Variants in STARD9 observed in about 807,000 individuals in gnomAD.
STARD9 encodes StAR related lipid transfer domain containing 9.
A neutral mutation model predicts 399.8 loss-of-function variants in STARD9; 346 were observed. The observed-to-expected ratio is 0.87, with a 90% CI of 0.79 to 0.95. The LOEUF (loss-of-function observed/expected upper bound fraction) is 0.95. Ranked by LOEUF, STARD9 falls within the 40% of genes least tolerant of loss-of-function variation. The pLI, the probability that STARD9 is intolerant of heterozygous loss-of-function variation, is 0.00. For missense variants in STARD9, 5,832 were observed against 5,667.5 expected (o/e 1.03, Z -0.93); for synonymous variants, 2,203 against 2,143.5 (o/e 1.03, Z -0.77).
chr15:42,663,863 A>G lies in STARD9; in HGVS notation c.1122A>G (p.Thr374=). 6.5e-7 allele frequency: 1 copy of G among 1,537,202 alleles called. No homozygotes were observed. The highest frequency in any genetic ancestry group is 1.2e-5 in the South Asian group (1 of 84,062). ...AHTSYSETMS[T]LRYASSAKNI... The stretch of plus-strand genomic sequence containing the variant: ...CTAGCTACAGTGAGACCATGAGCAC[A>G]CTGAGATATGCATCCAGTGCCAAAA... Residue 374 remains threonine, a synonymous_variant, in exon 13 of 33, where the codon ACA becomes ACG. Transcript: ENST00000290607.
intron 3 of STARD9, among the ~76,000 whole-genome samples, chr15:42,589,100 C>G (rs1410795036): frequency 6.6e-6 from 1 of 151,974 alleles, no homozygotes; most frequent in African/African-American, 2.4e-5. Flanking sequence ...CAGGTGTGAG[C>G]CACCACATCC....
chr15:42,717,680 G>A, intron 28 of STARD9, 51 bp from the exon 29 acceptor site: 4 of 1,486,152 alleles, frequency 2.7e-6, no homozygotes, highest in East Asian at 2.5e-5. Flanking sequence ...TAACCCAGGG[G>A]CTTAGTTTTT....
chr15:42,693,901 A>C lies in STARD9; in HGVS notation c.12323A>C (p.Gln4108Pro), dbSNP rs2060777455. The part of the protein sequence containing the change: ...GLRGSALGLP[Q>P]ACQPEELLCF... ...CGAGGTTCTGCCTTGGGCCTCCCTC[A>C]GGCCTGCCAACCTGAGGAGTTACTG... is the stretch of plus-strand genomic sequence containing the variant. The change falls in exon 23 of 33, where the codon CAG (glutamine) becomes CCG (proline). Residue 4108 changes from glutamine to proline, a missense_variant. This residue lies in a region of STARD9 where 5,828 missense variants were observed against 5,651.1 expected (regional missense o/e 1.03). Transcript: ENST00000290607. 2.0e-6 allele frequency: 3 copies of C among 1,524,398 alleles called. No individual in the cohort carries two copies. Among genetic ancestry groups the C allele is most frequent in the Non-Finnish European group, 2.6e-6 (3 of 1,139,494 alleles). 94.4% of individuals were successfully genotyped at this position (1,524,398 alleles called of 1,614,324 possible).
At chr15:42,602,445 T>C (rs2058647624) in intron 3 of STARD9, among the ~76,000 whole-genome samples, 1 of 152,086 alleles carries the variant, frequency 6.6e-6, no homozygotes, top group African/African-American at 2.4e-5. Flanking sequence ...AAAGAAAGAA[T>C]GAAACGAGAG....
chr15:42,691,722 A>G lies in STARD9; in HGVS notation c.10144A>G (p.Ser3382Gly). The G allele has an allele frequency of 2.0e-6, 3 of 1,537,284 alleles. No individual in the cohort carries two copies. Among genetic ancestry groups the G allele is most frequent in the Non-Finnish European group, 2.6e-6 (3 of 1,146,916 alleles). The part of the protein sequence containing the change: ...VARTSLQAED[S>G]NQKASSRLDD... ...AAGAACATCTCTGCAGGCTGAGGACAGCAATCAGAAAGCCTCATCTCGCTT... is the reference window on the plus strand; with the variant it reads ...AAGAACATCTCTGCAGGCTGAGGACGGCAATCAGAAAGCCTCATCTCGCTT... Residue 3382 changes from serine to glycine, a missense_variant, in exon 23 of 33, where the codon AGC becomes GGC. By Grantham distance (56) the Ser-to-Gly change is moderately conservative. This residue lies in a region of STARD9 where 5,828 missense variants were observed against 5,651.1 expected (regional missense o/e 1.03). Coordinates refer to ENST00000290607, the MANE Select transcript of STARD9 (RefSeq NM_020759.3).
intron 3 of STARD9, among the ~76,000 whole-genome samples, chr15:42,627,303 G>GA (rs968788049): frequency 1.1e-4 from 16 of 151,350 alleles, no homozygotes; most frequent in Non-Finnish European, 1.8e-4. Flanking sequence ...TTCAGAAAAA[G>GA]AAAAAAAATT....
chr15:42,702,662 G>C (rs953638485), intron 26 of STARD9, among the ~76,000 whole-genome samples: 2 of 152,242 alleles, frequency 1.3e-5, no homozygotes, highest in South Asian at 4.1e-4. Flanking sequence ...TTACACATTA[G>C]CATCCTTTTC....
At chr15:42,665,114 GGAC>G in intron 13 of STARD9, 136 bp from the exon 14 acceptor site, 2 of 650,732 alleles carry the variant, frequency 3.1e-6, no homozygotes, top group Non-Finnish European at 5.3e-6. Context: ...GCGGGTCCTG[GGAC>G]CACAACTTGA....
intron 3 of STARD9, among the ~76,000 whole-genome samples, chr15:42,598,337 A>G (rs1007350916): frequency 1.3e-5 from 2 of 151,548 alleles, no homozygotes; most frequent in African/African-American, 4.9e-5. Context: ...GGCCCAGCCT[A>G]TATTTTTAAT....
At chr15:42,601,001 A>C (rs770829432) in intron 3 of STARD9, among the ~76,000 whole-genome samples, 2 of 152,010 alleles carry the variant, frequency 1.3e-5, no homozygotes. Flanking sequence ...TTTACTAGGC[A>C]GAGAGCCCTG....
intron 3 of STARD9, among the ~76,000 whole-genome samples, chr15:42,586,191 T>C (rs993525656): frequency 6.6e-6 from 1 of 152,234 alleles, no homozygotes; most frequent in African/African-American, 2.4e-5. Context: ...TGAACAGCCA[T>C]GTGCACAAGG....
chr15:42,632,243 C>G (rs2141904221), intron 3 of STARD9, among the ~76,000 whole-genome samples: 1 of 152,214 alleles, frequency 6.6e-6, no homozygotes, highest in Admixed American at 6.5e-5. Flanking sequence ...TTTTCTGATA[C>G]ACATGTAGCT....
At chr15:42,710,892 T>G (rs932678976) in intron 26 of STARD9, among the ~76,000 whole-genome samples, 11 of 125,480 alleles carry the variant, frequency 8.8e-5, no homozygotes, top group African/African-American at 1.6e-4. Context: ...ACTTGTGCGC[T>G]CTCTCTCTCT....
At chr15:42,577,343 T>C (rs939140502) in intron 1 of STARD9, among the ~76,000 whole-genome samples, 5 of 152,032 alleles carry the variant, frequency 3.3e-5, no homozygotes, top group East Asian at 1.9e-4. Flanking sequence ...TTAGTAGAGA[T>C]GGGGTTTCAC....
At chr15:42,709,142 T>C (rs941065929) in intron 26 of STARD9, among the ~76,000 whole-genome samples, 3 of 152,154 alleles carry the variant, frequency 2.0e-5, no homozygotes, top group Non-Finnish European at 4.4e-5. Context: ...ACGCCTGTAA[T>C]CCCAGTGCTT....
At chr15:42,661,831 A>G (rs1233774684) in intron 10 of STARD9, among the ~76,000 whole-genome samples, 2 of 152,136 alleles carry the variant, frequency 1.3e-5, no homozygotes, top group Non-Finnish European at 2.9e-5. Flanking sequence ...GTGGGAGTGC[A>G]AGCATCAGGA....
At chr15:42,718,996 A>C in intron 32 of STARD9, 86 bp downstream of exon 32, 1 of 1,276,756 alleles carries the variant, frequency 7.8e-7, no homozygotes. Flanking sequence ...GCTTTTGAAC[A>C]CCCTCCAGTG....
chr15:42,649,467 A>G (rs558213318), intron 7 of STARD9, among the ~76,000 whole-genome samples: 2 of 152,184 alleles, frequency 1.3e-5, no homozygotes, highest in Non-Finnish European at 2.9e-5. Flanking sequence ...TTTCACTTAC[A>G]GTATTATTTC....
Position 42,651,000 on chromosome 15 carries a change from T to C in STARD9, c.560-16T>C. On this transcript the variant is annotated splice_polypyrimidine_tract_variant and intron_variant, in intron 7 of 32. Coordinates refer to ENST00000290607, the MANE Select transcript of STARD9 (RefSeq NM_020759.3). Reference sequence around the variant, plus strand: ...ATCTCATTTAATTTCTTTTTTCCGTTTCACAAATCCGATAGGTTTATCTCA... The same window carrying C: ...ATCTCATTTAATTTCTTTTTTCCGTCTCACAAATCCGATAGGTTTATCTCA... 1 of 1,496,598 alleles carries C rather than the reference T, an allele frequency of 6.7e-7. No individual in the cohort carries two copies. The highest frequency in any genetic ancestry group is 8.9e-7 in the Non-Finnish European group (1 of 1,119,198). 92.7% of individuals were successfully genotyped at this position (1,496,598 alleles called of 1,614,324 possible).
Sources: gnomAD v4.1 joint callset for allele counts (sites outside exome capture counted in the v4.1 genomes callset) on GRCh38, gnomAD v4.1.1 for gene constraint, gnomAD v4.1.1 regional missense constraint, MANE v1.5 for transcripts, NCBI Gene and HGNC (gene_info 2026-07-23, HGNC 2026-07-21) for gene names.